Variants in MARK2 observed in about 807,000 individuals in gnomAD.
The protein encoded by MARK2 is microtubule affinity regulating kinase 2, also known as serine/threonine-protein kinase MARK2.
Under a neutral mutation model 89.8 loss-of-function variants are expected in MARK2, and 16 were observed. That is an observed-to-expected ratio of 0.18 (90% CI 0.12 to 0.27). MARK2 has a LOEUF of 0.27. MARK2 is among the 10% of genes least tolerant of loss of function. The probability of loss-of-function intolerance (pLI) is 1.00; values close to 1 mark genes in which losing one functional copy is unlikely to be tolerated. For missense variants in MARK2, 621 were observed against 1,049.9 expected (o/e 0.59, Z 5.65); for synonymous variants, 382 against 399.5 (o/e 0.96, Z 0.52).
chr11:63,857,366 G>C (rs1402809448), intron 1 of MARK2, among the ~76,000 whole-genome samples: 1 of 148,670 alleles, frequency 6.7e-6, no homozygotes. Context: ...CTCCATGTTG[G>C]TCAGGCTGGT....
chr11:63,863,976 CTGAG>C (rs1937976855), intron 1 of MARK2, among the ~76,000 whole-genome samples: 1 of 152,028 alleles, frequency 6.6e-6, no homozygotes, highest in Non-Finnish European at 1.5e-5. Flanking sequence ...TTTTTTGAGA[CTGAG>C]TCTCGCTTTG....
At chr11:63,905,151 T>G in intron 16 of MARK2, 108 bp downstream of exon 16, 17 of 1,296,710 alleles carry the variant, frequency 1.3e-5, no homozygotes, top group East Asian at 2.4e-5. Context: ...TGTACCGGTA[T>G]TGGGTCCTGG....
chr11:63,882,917 C>T (rs1939182423), intron 1 of MARK2, among the ~76,000 whole-genome samples: 1 of 152,166 alleles, frequency 6.6e-6, no homozygotes, highest in African/African-American at 2.4e-5. Flanking sequence ...CCCCACAGTC[C>T]TCTGTAAAGT....
intron 1 of MARK2, 154 bp from the exon 2 acceptor site, chr11:63,895,005 C>T (rs1940248424): frequency 1.6e-6 from 1 of 612,612 alleles, no homozygotes; most frequent in Non-Finnish European, 2.9e-6. Flanking sequence ...TCACCTCAGC[C>T]CCCTCTCCTT....
rs914118923 is a variant in MARK2, at chr11:63,888,498, G to C, written c.55-6661G>C. The C allele has an allele frequency of 4.0e-6, 4 of 1,007,788 alleles. No homozygotes were observed. In the Admixed American group the frequency reaches 1.7e-4, roughly 42 times the overall value. 62.4% of individuals were successfully genotyped at this position (1,007,788 alleles called of 1,614,324 possible). ...TGCCCACTTCCGGGGAGGGGGGGAG[G>C]GGGAGGGGAGAAGGAAGTTGATCTA... is the stretch of plus-strand genomic sequence containing the variant. On this transcript the variant is annotated intron_variant, in intron 1 of 18. Coordinates refer to ENST00000402010, the MANE Select transcript of MARK2 (RefSeq NM_001039469.3).
At chr11:63,853,839 A>G (rs1016254163) in intron 1 of MARK2, among the ~76,000 whole-genome samples, 5 of 151,584 alleles carry the variant, frequency 3.3e-5, no homozygotes, top group Non-Finnish European at 5.9e-5. Flanking sequence ...CATTTTTTTT[A>G]TTTACTTATT....
Position 63,904,748 on chromosome 11 carries a change from C to G in MARK2, c.1677-38C>G. The G allele has an allele frequency of 6.3e-7, 1 of 1,599,704 alleles. No individual in the cohort carries two copies. Among genetic ancestry groups the G allele is most frequent in the East Asian group, 2.2e-5 (1 of 44,688 alleles). On this transcript the variant is annotated intron_variant, in intron 15 of 18. Transcript: ENST00000402010. The surrounding 1 kb of genome is among the most constrained non-coding windows in gnomAD (Gnocchi z 6.3). The stretch of plus-strand genomic sequence containing the variant: ...TGCCCAGTGATGGCTGTCCTGTACC[C>G]TAATTCGTCCCCCTCAACCCCACTT...
At chr11:63,907,132 A>C (rs1250100232) in intron 17 of MARK2, among the ~76,000 whole-genome samples, 2 of 152,142 alleles carry the variant, frequency 1.3e-5, no homozygotes, top group African/African-American at 4.8e-5. Flanking sequence ...CTTGTTCCCC[A>C]AGGCTGTCTG....
intron 1 of MARK2, among the ~76,000 whole-genome samples, chr11:63,864,156 A>G (rs1032053130): frequency 4.0e-5 from 6 of 151,674 alleles, no homozygotes; most frequent in African/African-American, 7.3e-5. Context: ...GGGTTTCACC[A>G]TGTTAGCCAG....
intron 1 of MARK2, among the ~76,000 whole-genome samples, chr11:63,878,929 TAGAAC>T (rs910053266): frequency 1.3e-5 from 2 of 152,210 alleles, no homozygotes; most frequent in African/African-American, 4.8e-5. Flanking sequence ...AGTTCCTTCT[TAGAAC>T]AGAACTTTTG....
chr11:63,861,421 C>T (rs1008021248), intron 1 of MARK2, among the ~76,000 whole-genome samples: 2 of 151,866 alleles, frequency 1.3e-5, no homozygotes, highest in Non-Finnish European at 2.9e-5. Context: ...GGCGACAGAG[C>T]GAGACTCCGT....
intron 1 of MARK2, among the ~76,000 whole-genome samples, chr11:63,879,914 G>GA (rs1938989274): frequency 6.6e-6 from 1 of 152,140 alleles, no homozygotes; most frequent in African/African-American, 2.4e-5. Flanking sequence ...CACTTCCAGA[G>GA]AAAGATGCAG....
Position 63,900,684 on chromosome 11 carries a change from C to T in MARK2, c.888+6C>T, listed in dbSNP as rs745867367. On this transcript the variant is annotated splice_donor_region_variant and intron_variant, in intron 9 of 18. Coordinates refer to ENST00000402010, the MANE Select transcript of MARK2 (RefSeq NM_001039469.3). This position sits in a 1 kb window ranked among gnomAD's most constrained non-coding sequence, Gnocchi z 4.7. ...GCAAGAGAGGCACTTTAGAGGTGAG[C>T]AGTGGAGCCCAACTGGCGGAAGGGC... is the stretch of plus-strand genomic sequence containing the variant. The T allele has an allele frequency of 1.2e-6, 2 of 1,614,014 alleles. No homozygotes were observed. The highest frequency in any genetic ancestry group is 1.7e-6 in the Non-Finnish European group (2 of 1,179,872).
chr11:63,909,081 C>T lies in MARK2; in HGVS notation c.2211C>T (p.His737=), dbSNP rs1289046111. 3 of 1,613,394 alleles carry T rather than the reference C, an allele frequency of 1.9e-6. No homozygotes were observed. The highest frequency in any genetic ancestry group is 1.3e-5 in the African/African-American group (1 of 74,916). The change falls in exon 19 of 19, where the codon CAC becomes CAT. Residue 737 remains histidine (H), a synonymous_variant. Transcript: ENST00000402010. ...AGAAGTACATGCTGCTGTGCATGCA[C>T]GGCACGCCGGGCCACGAGGACTTCG... ...LHEKYMLLCM[H]GTPGHEDFVQ... is the part of the protein sequence containing the mutation.
At chr11:63,907,459 TTCC>T (rs1217924741) in intron 17 of MARK2, among the ~76,000 whole-genome samples, 1 of 152,212 alleles carries the variant, frequency 6.6e-6, no homozygotes, top group East Asian at 1.9e-4. Flanking sequence ...TCTCATATCC[TTCC>T]TCCTCTGCAA....
chr11:63,839,221 G>A lies in MARK2; in HGVS notation c.-286G>A. 2 of 228,450 alleles carry A rather than the reference G, an allele frequency of 8.8e-6. No individual in the cohort carries two copies. The allele number at this position is 228,450 out of a possible 1,614,324, so 14.2% of individuals were successfully genotyped here. A position where few individuals can be genotyped will look rare whatever the true frequency, so the allele number is the denominator to read the frequency against. On this transcript the variant is annotated 5_prime_UTR_variant, in exon 1 of 19. Transcript: ENST00000402010. ...GGAGGAGCGAGGCAGGCGGCCGGCT[G>A]CGGCGGCAGAGAGTAGGCGGAGCGG... is the stretch of plus-strand genomic sequence containing the variant.
chr11:63,899,322 G>A (rs1427962110), intron 7 of MARK2, among the ~76,000 whole-genome samples: 2 of 151,814 alleles, frequency 1.3e-5, no homozygotes, highest in Non-Finnish European at 2.9e-5. Flanking sequence ...TGGACCTCGG[G>A]TTCCATTCTA....
In MARK2 at chr11:63,910,652, A is replaced by ATTTTTTTTT. The variant is rs750155967; in HGVS notation, c.*1421_*1429dup. ...GTTTTATTTTTTATTATTTTATTTT[A>ATTTTTTTTT]TTTTTTTTTTTTTTGATTTATGATG... On this transcript the variant is annotated 3_prime_UTR_variant, in exon 19 of 19. Coordinates refer to ENST00000402010, the MANE Select transcript of MARK2 (RefSeq NM_001039469.3). 7.3e-5 allele frequency: 10 copies of ATTTTTTTTT among 137,424 alleles called. No homozygotes were observed. The highest frequency in any genetic ancestry group is 3.6e-3 in the Middle Eastern group (1 of 274). The allele number at this position is 137,424 out of a possible 1,614,324, so 8.5% of individuals were successfully genotyped here.
chr11:63,859,244 G>A (rs901546448), intron 1 of MARK2, among the ~76,000 whole-genome samples: 5 of 151,912 alleles, frequency 3.3e-5, no homozygotes, highest in African/African-American at 1.2e-4. Flanking sequence ...TCCCTGGGTG[G>A]CTTGAGACCT....
Sources: gnomAD v4.1 joint callset for allele counts (sites outside exome capture counted in the v4.1 genomes callset) on GRCh38, gnomAD v4.1.1 for gene constraint, Gnocchi (gnomAD v3.1) non-coding constraint, MANE v1.5 for transcripts, NCBI Gene and HGNC (gene_info 2026-07-23, HGNC 2026-07-21) for gene names.